KIAA1217: variants seen among roughly 807,000 people sequenced by gnomAD.
The protein encoded by KIAA1217 is KIAA1217, also known as sickle tail protein homolog.
Under a neutral mutation model 163.9 loss-of-function variants are expected in KIAA1217, and 88 were observed. That is an observed-to-expected ratio of 0.54 (90% CI 0.45 to 0.64). The LOEUF (loss-of-function observed/expected upper bound fraction) is 0.64, where lower values mean the gene tolerates loss of function less well. KIAA1217 is among the 30% of genes least tolerant of loss of function. The probability of loss-of-function intolerance (pLI) is 0.00; values close to 1 mark genes in which losing one functional copy is unlikely to be tolerated. For missense variants in KIAA1217, 2,372 were observed against 2,475.0 expected, an observed-to-expected ratio of 0.96 and a Z score of 0.88; for synonymous variants, 903 against 923.1, an observed-to-expected ratio of 0.98 and a Z score of 0.39.
intron 6 of KIAA1217, among the ~76,000 whole-genome samples, chr10:24,489,113 C>G (rs1277565934): frequency 2.0e-5 from 3 of 152,024 alleles, no homozygotes; most frequent in African/African-American, 7.3e-5. Flanking sequence ...AATGGCGGAA[C>G]CACCTAGTAG....
At chr10:24,320,485 C>T (rs560319526) in intron 2 of KIAA1217, among the ~76,000 whole-genome samples, 3 of 152,254 alleles carry the variant, frequency 2.0e-5, no homozygotes, top group African/African-American at 7.2e-5. Context: ...ATTTCTATTC[C>T]TTTTTGGTTA....
At chr10:24,471,398 A>T (rs2063496908) in intron 5 of KIAA1217, among the ~76,000 whole-genome samples, 1 of 152,158 alleles carries the variant, frequency 6.6e-6, no homozygotes, top group African/African-American at 2.4e-5. Flanking sequence ...AGTTATTTGG[A>T]GAATCTCAGT....
At chr10:23,747,745 A>C (rs1019174884) in intron 1 of KIAA1217, among the ~76,000 whole-genome samples, 3 of 152,196 alleles carry the variant, frequency 2.0e-5, no homozygotes, top group Non-Finnish European at 4.4e-5. Flanking sequence ...CCAATCTAGA[A>C]CTGGCTGGCC....
At chr10:24,455,045 T>G (rs970673841) in intron 5 of KIAA1217, among the ~76,000 whole-genome samples, 2 of 151,732 alleles carry the variant, frequency 1.3e-5, no homozygotes, top group Non-Finnish European at 2.9e-5. Flanking sequence ...TGTGGCACTG[T>G]TGGCAACCTC....
At chr10:24,247,348 A>C (rs961235738) in intron 2 of KIAA1217, among the ~76,000 whole-genome samples, 1 of 151,834 alleles carries the variant, frequency 6.6e-6, no homozygotes, top group Non-Finnish European at 1.5e-5. Context: ...GCTGGTCTCG[A>C]ACTCCTCCTG....
chr10:23,807,792 G>A (rs1210560805), intron 1 of KIAA1217, among the ~76,000 whole-genome samples: 3 of 152,170 alleles, frequency 2.0e-5, no homozygotes, highest in Admixed American at 6.5e-5. Flanking sequence ...CAGAGGCAGG[G>A]CAGTGAGCAG....
chr10:24,166,629 T>C (rs1182268176), intron 2 of KIAA1217, among the ~76,000 whole-genome samples: 1 of 152,098 alleles, frequency 6.6e-6, no homozygotes, highest in East Asian at 1.9e-4. Flanking sequence ...TTCCAGTTAC[T>C]TGGGAGGCTG....
At position 24,428,313 on chromosome 10, in the gene KIAA1217, C is replaced by T. The variant is rs571436347; in HGVS notation, c.554-4682C>T. Among the ~76,000 whole-genome samples, 59 of 152,268 alleles carry T rather than the reference C, an allele frequency of 3.9e-4. No individual in the cohort carries two copies. The South Asian group carries it at 9.1e-3, about 24-fold the overall frequency. ...CATCCCACGTGGGGCCAAGACATTG[C>T]GTGATCTGTGATCAGACAGGCTTAA... On this transcript the variant is annotated intron_variant, in intron 3 of 20. Coordinates refer to ENST00000376454, the MANE Select transcript of KIAA1217 (RefSeq NM_019590.5).
At chr10:23,705,741 CA>C (rs1836841600) in intron 1 of KIAA1217, among the ~76,000 whole-genome samples, 1 of 152,052 alleles carries the variant, frequency 6.6e-6, no homozygotes. Context: ...TTTCCACATA[CA>C]TTTTAGGGCC....
chr10:23,987,654 C>A (rs886392569), intron 1 of KIAA1217, among the ~76,000 whole-genome samples: 34 of 151,166 alleles, frequency 2.2e-4, no homozygotes, highest in Admixed American at 1.1e-3. Context: ...TGGTAAGAAT[C>A]CTTAAAATCT....
chr10:24,057,387 G>C (rs775463381), intron 2 of KIAA1217, among the ~76,000 whole-genome samples: 16 of 152,114 alleles, frequency 1.1e-4, no homozygotes, highest in Non-Finnish European at 2.1e-4. Context: ...CGTTCATCTT[G>C]CATAACTGAA....
chr10:23,942,015 GAA>G (rs1299072483), intron 1 of KIAA1217, among the ~76,000 whole-genome samples: 1 of 152,084 alleles, frequency 6.6e-6, no homozygotes, highest in Non-Finnish European at 1.5e-5. Flanking sequence ...CACAGAGGAA[GAA>G]AAAAGAATCC....
chr10:24,352,873 C>G (rs1009317633), intron 2 of KIAA1217, among the ~76,000 whole-genome samples: 12 of 151,578 alleles, frequency 7.9e-5, no homozygotes, highest in Non-Finnish European at 1.8e-4. Context: ...AAAGTGCAAG[C>G]GAAAGGAGGG....
intron 1 of KIAA1217, among the ~76,000 whole-genome samples, chr10:23,913,692 T>G (rs1319127286): frequency 6.6e-6 from 1 of 152,122 alleles, no homozygotes; most frequent in Non-Finnish European, 1.5e-5. Context: ...CCCTCTCGAT[T>G]GGCATGTACC....
At chr10:24,026,067 T>G (rs574044442) in intron 2 of KIAA1217, among the ~76,000 whole-genome samples, 2 of 151,838 alleles carry the variant, frequency 1.3e-5, no homozygotes, top group Non-Finnish European at 2.9e-5. Context: ...TAAGGGGAAA[T>G]GTAGTACCTT....
At chr10:24,519,232 T>C (rs1179854520) in intron 10 of KIAA1217, among the ~76,000 whole-genome samples, 1 of 152,188 alleles carries the variant, frequency 6.6e-6, no homozygotes, top group Non-Finnish European at 1.5e-5. Context: ...CCTGTTTCCT[T>C]TGAGATTTTT....
chr10:24,480,549 G>A (rs2064548039), intron 6 of KIAA1217, among the ~76,000 whole-genome samples: 1 of 152,142 alleles, frequency 6.6e-6, no homozygotes, highest in African/African-American at 2.4e-5. Context: ...GCTCAACTGT[G>A]ACATAGAGAT....
intron 1 of KIAA1217, among the ~76,000 whole-genome samples, chr10:23,824,658 A>AAAAAAATATATATATATATATAT (rs1837805755): frequency 1.9e-5 from 1 of 53,040 alleles, no homozygotes; most frequent in African/African-American, 6.5e-5. Context: ...AAATAAAAAA[A>AAAAAAATATATATATATATATAT]ATATATATAT....
At chr10:24,158,383 G>A in intron 2 of KIAA1217, 1 of 630,302 alleles carries the variant, frequency 1.6e-6, no homozygotes, top group Non-Finnish European at 3.1e-6. Flanking sequence ...TCAAGCCTCT[G>A]CTTCCTACAT....
Sources: allele counts gnomAD v4.1 joint callset (sites outside exome capture counted in the v4.1 genomes callset), GRCh38; gene constraint gnomAD v4.1.1; transcripts MANE v1.5; gene names NCBI Gene and HGNC (gene_info 2026-07-23, HGNC 2026-07-21).